The following DRC8 variants were observed in gnomAD, a reference collection of about 807,000 sequenced individuals.
DRC8 encodes dynein regulatory complex protein 8.
the DRC8 span, among the ~76,000 whole-genome samples, chr1:245,027,509 C>T: frequency 1.8e-4 from 27 of 151,846 alleles, no homozygotes; most frequent in African/African-American, 5.8e-4. Flanking sequence ...CCATAAGAGA[C>T]GATATTTATT....
the DRC8 span, among the ~76,000 whole-genome samples, chr1:245,044,457 T>C: frequency 4.6e-5 from 7 of 152,172 alleles, no homozygotes; most frequent in East Asian, 1.3e-3. Context: ...ACGATTTTAA[T>C]TTTATTTTAC....
At chr1:245,087,601 G>C in the DRC8 span, 1 of 1,105,262 alleles carries the variant, frequency 9.0e-7, no homozygotes, top group Non-Finnish European at 1.1e-6. Context: ...TTTAACATTA[G>C]AATGGATTGT....
chr1:245,010,622 G>A, the DRC8 span, among the ~76,000 whole-genome samples: 2 of 151,564 alleles, frequency 1.3e-5, no homozygotes, highest in African/African-American at 4.8e-5. Context: ...AAGAGGATCA[G>A]TATTTTGGGG....
chr1:245,073,995 T>A, the DRC8 span, among the ~76,000 whole-genome samples: 1 of 152,202 alleles, frequency 6.6e-6, no homozygotes, highest in African/African-American at 2.4e-5. Flanking sequence ...TGTTGAAAGT[T>A]TGAATAAAGT....
the DRC8 span, among the ~76,000 whole-genome samples, chr1:245,000,389 G>A: frequency 1.3e-5 from 2 of 152,132 alleles, 1 homozygote; most frequent in South Asian, 4.1e-4. Flanking sequence ...TTTGGACCAC[G>A]GTTGAGTGTG....
At chr1:245,004,057 A>G in the DRC8 span, among the ~76,000 whole-genome samples, 1 of 151,856 alleles carries the variant, frequency 6.6e-6, no homozygotes, top group Non-Finnish European at 1.5e-5. Flanking sequence ...TTACTCGTAG[A>G]GTATTTCCTT....
At chr1:245,065,446 T>G in the DRC8 span, among the ~76,000 whole-genome samples, 2 of 152,248 alleles carry the variant, frequency 1.3e-5, no homozygotes, top group East Asian at 3.9e-4. Context: ...TTTATTGAGT[T>G]TCTCATTTCT....
At chr1:245,000,545 C>G in the DRC8 span, among the ~76,000 whole-genome samples, 1 of 151,962 alleles carries the variant, frequency 6.6e-6, no homozygotes, top group Non-Finnish European at 1.5e-5. Flanking sequence ...ACTTTGGGAG[C>G]CAAGGCAGGC....
the DRC8 span, among the ~76,000 whole-genome samples, chr1:245,005,215 G>T: frequency 6.6e-6 from 1 of 151,146 alleles, no homozygotes; most frequent in Non-Finnish European, 1.5e-5. Flanking sequence ...AATGGATGTT[G>T]GTTTGTAGTT....
chr1:245,063,165 C>G, the DRC8 span, among the ~76,000 whole-genome samples: 1 of 152,074 alleles, frequency 6.6e-6, no homozygotes, highest in African/African-American at 2.4e-5. Context: ...GCTTGGTTTG[C>G]CACTTCACTC....
the DRC8 span, among the ~76,000 whole-genome samples, chr1:244,981,440 A>T: frequency 6.6e-6 from 1 of 152,174 alleles, no homozygotes; most frequent in South Asian, 2.1e-4. Flanking sequence ...ACTTACTCTG[A>T]AGTAGGCACT....
the DRC8 span, among the ~76,000 whole-genome samples, chr1:245,017,037 A>G: frequency 6.6e-6 from 1 of 152,232 alleles, no homozygotes; most frequent in South Asian, 2.1e-4. Flanking sequence ...TACCATATGT[A>G]TATTTTGCCT....
the DRC8 span, among the ~76,000 whole-genome samples, chr1:245,069,129 C>G: frequency 6.6e-6 from 1 of 152,142 alleles, no homozygotes; most frequent in Non-Finnish European, 1.5e-5. Flanking sequence ...AAGGCACCGA[C>G]CCCCGTGCAG....
chr1:245,086,036 G>A, the DRC8 span, among the ~76,000 whole-genome samples: 5 of 152,344 alleles, frequency 3.3e-5, no homozygotes, highest in South Asian at 2.1e-4. Context: ...GAGACAGTGC[G>A]ACCACGTGGT....
the DRC8 span, among the ~76,000 whole-genome samples, chr1:245,094,536 A>G: frequency 9.8e-5 from 15 of 152,288 alleles, no homozygotes; most frequent in South Asian, 2.1e-4. Flanking sequence ...TTCCTGGTAC[A>G]TGCATTTCTG....
At chr1:245,118,844 A>G in the DRC8 span, among the ~76,000 whole-genome samples, 6 of 150,950 alleles carry the variant, frequency 4.0e-5, no homozygotes, top group Admixed American at 3.3e-4. Flanking sequence ...AGAAAAAAAT[A>G]ATGATAACAA....
the DRC8 span, among the ~76,000 whole-genome samples, chr1:245,024,926 G>T: frequency 6.6e-6 from 1 of 152,052 alleles, no homozygotes; most frequent in Non-Finnish European, 1.5e-5. Flanking sequence ...GACAGTTTAT[G>T]ATTTTTCCCC....
At chr1:244,974,876 T>G in the DRC8 span, among the ~76,000 whole-genome samples, 1 of 152,284 alleles carries the variant, frequency 6.6e-6, no homozygotes, top group South Asian at 2.1e-4. Context: ...TTTTAATTTG[T>G]AGAGACAGGG....
the DRC8 span, among the ~76,000 whole-genome samples, chr1:244,985,026 G>C: frequency 8.4e-4 from 126 of 150,246 alleles, no homozygotes; most frequent in African/African-American, 3.0e-3. Context: ...ATTACCCTTA[G>C]GATAGTCTGA....
Sources: allele counts gnomAD v4.1 joint callset (sites outside exome capture counted in the v4.1 genomes callset), GRCh38; gene constraint gnomAD v4.1.1; transcripts MANE v1.5; gene names NCBI Gene and HGNC (gene_info 2026-07-23, HGNC 2026-07-21).